Variants in CDH18 observed in about 807,000 individuals in gnomAD.
The protein encoded by CDH18 is cadherin-18.
A neutral mutation model predicts 67.9 loss-of-function variants in CDH18; 31 were observed. The ratio of observed to expected loss-of-function variants is 0.46; its 90% CI spans 0.34 to 0.62. The LOEUF (loss-of-function observed/expected upper bound fraction) is 0.62. Among genes scored for constraint, CDH18 ranks in the 20% least tolerant of loss-of-function variants. CDH18 has a pLI of 0.01. For synonymous variants in CDH18, 362 were observed against 347.2 expected, an observed-to-expected ratio of 1.04 and a Z score of -0.48; for missense variants, 890 against 975.5, an observed-to-expected ratio of 0.91 and a Z score of 1.17.
intron 11 of CDH18, among the ~76,000 whole-genome samples, chr5:19,494,088 T>C (rs1430644792): frequency 1.3e-5 from 2 of 152,184 alleles, no homozygotes; most frequent in African/African-American, 2.4e-5. Context: ...TATCTACTAC[T>C]TTTACAATTT....
chr5:19,592,045 C>T (rs1259363778), intron 6 of CDH18, among the ~76,000 whole-genome samples: 1 of 151,996 alleles, frequency 6.6e-6, no homozygotes, highest in Non-Finnish European at 1.5e-5. Context: ...ATTCTTAGAA[C>T]TCCCCTATGA....
intron 6 of CDH18, among the ~76,000 whole-genome samples, chr5:19,608,054 T>C (rs1199354107): frequency 2.0e-5 from 3 of 151,648 alleles, no homozygotes; most frequent in Non-Finnish European, 4.4e-5. Flanking sequence ...ACATCTAGTA[T>C]CATCTTGGAA....
intron 3 of CDH18, among the ~76,000 whole-genome samples, chr5:19,813,075 G>A (rs1461741599): frequency 6.6e-6 from 1 of 152,070 alleles, no homozygotes; most frequent in African/African-American, 2.4e-5. Context: ...CCACTCATAA[G>A]TGGGAATTGA....
intron 1 of CDH18, among the ~76,000 whole-genome samples, chr5:20,448,952 A>G (rs1234772440): frequency 6.6e-6 from 1 of 152,014 alleles, no homozygotes; most frequent in Non-Finnish European, 1.5e-5. Context: ...CTTGAGTAAA[A>G]AGCATGTGAA....
At chr5:20,323,650 G>A (rs1287368706) in intron 1 of CDH18, among the ~76,000 whole-genome samples, 1 of 152,156 alleles carries the variant, frequency 6.6e-6, no homozygotes, top group Non-Finnish European at 1.5e-5. Flanking sequence ...CCAGAGAGAA[G>A]TTCTTTTTCT....
intron 2 of CDH18, among the ~76,000 whole-genome samples, chr5:20,241,865 A>T (rs1426559696): frequency 1.2e-4 from 13 of 110,040 alleles, no homozygotes; most frequent in Middle Eastern, 4.2e-3. Context: ...AAAAAAAAAA[A>T]TAAAATAAAA....
chr5:20,555,351 G>A (rs62354287), intron 1 of CDH18, among the ~76,000 whole-genome samples: 4,096 of 122,418 alleles, frequency 0.033, 97 homozygotes, highest in African/African-American at 0.084. Context: ...CCAATCTATG[G>A]TATTTTGTTA....
intron 1 of CDH18, among the ~76,000 whole-genome samples, chr5:20,274,536 C>T (rs1389550399): frequency 6.6e-6 from 1 of 152,060 alleles, no homozygotes; most frequent in Non-Finnish European, 1.5e-5. Flanking sequence ...TTGATTTTTG[C>T]AATGGCCTTC....
At chr5:19,602,737 G>A (rs1339895652) in intron 6 of CDH18, among the ~76,000 whole-genome samples, 2 of 152,140 alleles carry the variant, frequency 1.3e-5, no homozygotes, top group South Asian at 2.1e-4. Flanking sequence ...GCCAAGGCAG[G>A]TGGATCACCT....
intron 5 of CDH18, among the ~76,000 whole-genome samples, chr5:19,682,997 G>T (rs1009718703): frequency 2.0e-5 from 3 of 151,840 alleles, no homozygotes; most frequent in Non-Finnish European, 2.9e-5. Context: ...TGCTTTGAAA[G>T]TTCTTTCCTT....
At chr5:20,375,755 T>G (rs1256133295) in intron 1 of CDH18, among the ~76,000 whole-genome samples, 1 of 152,166 alleles carries the variant, frequency 6.6e-6, no homozygotes, top group African/African-American at 2.4e-5. Context: ...ATTGTTTCTT[T>G]CTCTGTCTAG....
intron 2 of CDH18, among the ~76,000 whole-genome samples, chr5:20,222,650 T>C (rs530070415): frequency 2.4e-3 from 365 of 152,192 alleles, no homozygotes; most frequent in African/African-American, 7.8e-3. Flanking sequence ...ATTTAACTTA[T>C]TTCAGTTTCC....
chr5:20,539,441 T>C (rs576989281), intron 1 of CDH18, among the ~76,000 whole-genome samples: 40 of 152,118 alleles, frequency 2.6e-4, no homozygotes, highest in Non-Finnish European at 5.3e-4. Flanking sequence ...ACAATGTTTC[T>C]GGTAGACTTA....
chr5:20,534,543 G>A (rs1158120483), intron 1 of CDH18, among the ~76,000 whole-genome samples: 2 of 151,910 alleles, frequency 1.3e-5, no homozygotes, highest in African/African-American at 4.8e-5. Flanking sequence ...TCACTTTTTT[G>A]TCTGTCTCCT....
rs1270776814 is a variant in CDH18, at chr5:19,704,916, T to C, written c.643+16431A>G. Among the ~76,000 whole-genome samples, 5 of 152,200 alleles carry C rather than the reference T, an allele frequency of 3.3e-5. No homozygotes were observed. In the East Asian group the frequency reaches 9.6e-4, roughly 29 times the overall value. On this transcript the variant is annotated intron_variant, in intron 5 of 12. Transcript: ENST00000382275. ...TTCTCCTGTTATAAGCCCAAAAAAT[T>C]GGCCTTTAATAGACATAGATTTAAA...
chr5:20,187,910 C>T (rs1738227572), intron 2 of CDH18, among the ~76,000 whole-genome samples: 2 of 151,524 alleles, frequency 1.3e-5, no homozygotes, highest in African/African-American at 4.8e-5. Context: ...CTTATTTGAA[C>T]ATATAAATAT....
At chr5:19,973,061 A>G (rs143111124) in intron 2 of CDH18, among the ~76,000 whole-genome samples, 37 of 152,172 alleles carry the variant, frequency 2.4e-4, no homozygotes, top group Middle Eastern at 3.4e-3. Context: ...CAAATAACTT[A>G]CGGTATATTT....
At chr5:19,473,796 A>AT in intron 12 of CDH18, 80 bp from the exon 13 acceptor site, 2 of 1,214,026 alleles carry the variant, frequency 1.6e-6, no homozygotes, top group Non-Finnish European at 2.3e-6. Context: ...GCAATTTCCC[A>AT]TTTTCCCATT....
chr5:19,945,057 A>T (rs143536184), intron 2 of CDH18, among the ~76,000 whole-genome samples: 120 of 152,254 alleles, frequency 7.9e-4, no homozygotes, highest in African/African-American at 2.6e-3. Flanking sequence ...CTCCACATTC[A>T]TGGTGGTGGT....
Sources: allele counts gnomAD v4.1 joint callset (sites outside exome capture counted in the v4.1 genomes callset), GRCh38; gene constraint gnomAD v4.1.1; transcripts MANE v1.5; gene names NCBI Gene and HGNC (gene_info 2026-07-23, HGNC 2026-07-21).